Variants in KLHL18 observed in about 807,000 individuals in gnomAD.
The protein encoded by KLHL18 is kelch-like protein 18.
In KLHL18, 38 loss-of-function variants were observed where a neutral mutation model predicts 58.5. The ratio of observed to expected loss-of-function variants is 0.65; its 90% CI spans 0.50 to 0.85. The LOEUF (loss-of-function observed/expected upper bound fraction) is 0.85. Among genes scored for constraint, KLHL18 ranks in the 40% least tolerant of loss-of-function variants. The pLI is 0.00. For missense variants in KLHL18, 624 were observed against 778.4 expected, an observed-to-expected ratio of 0.80 and a Z score of 2.36; for synonymous variants, 303 against 301.9, an observed-to-expected ratio of 1.00 and a Z score of -0.04.
At chr3:47,304,692 T>G (rs1703100659) in intron 1 of KLHL18, among the ~76,000 whole-genome samples, 1 of 152,162 alleles carries the variant, frequency 6.6e-6, no homozygotes, top group East Asian at 1.9e-4. Context: ...GGGTTATTTG[T>G]TTTTTTGCAA....
At chr3:47,288,850 A>T (rs971381777) in intron 1 of KLHL18, among the ~76,000 whole-genome samples, 18 of 152,172 alleles carry the variant, frequency 1.2e-4, no homozygotes, top group African/African-American at 4.3e-4. Flanking sequence ...GCCTAGGTAG[A>T]GAGATTTGTG....
chr3:47,302,477 C>CT (rs1229314934), intron 1 of KLHL18, among the ~76,000 whole-genome samples: 1 of 152,146 alleles, frequency 6.6e-6, no homozygotes, highest in African/African-American at 2.4e-5. Context: ...GAGCGAGACT[C>CT]TGTCTCAAAC....
intron 7 of KLHL18, chr3:47,338,643 G>A (rs1704039011): frequency 6.6e-6 from 1 of 152,308 alleles, no homozygotes; most frequent in African/African-American, 2.4e-5. Flanking sequence ...CCAACATGGT[G>A]AAACCCTGTC....
At chr3:47,318,183 A>T (rs1325841321) in intron 1 of KLHL18, among the ~76,000 whole-genome samples, 1 of 152,184 alleles carries the variant, frequency 6.6e-6, no homozygotes, top group African/African-American at 2.4e-5. Context: ...TTAGTGACTT[A>T]AAACAAGTAT....
intron 1 of KLHL18, among the ~76,000 whole-genome samples, chr3:47,294,870 A>T (rs2107584468): frequency 6.6e-6 from 1 of 152,282 alleles, no homozygotes; most frequent in African/African-American, 2.4e-5. Context: ...AGGAGAGATG[A>T]TGATAATGGC....
At chr3:47,304,532 T>G (rs555765495) in intron 1 of KLHL18, among the ~76,000 whole-genome samples, 1 of 152,300 alleles carries the variant, frequency 6.6e-6, no homozygotes, top group East Asian at 1.9e-4. Flanking sequence ...GATTTACACA[T>G]AAGTATTTAA....
At chr3:47,314,601 C>T (rs771591391) in intron 1 of KLHL18, among the ~76,000 whole-genome samples, 2 of 151,726 alleles carry the variant, frequency 1.3e-5, no homozygotes, top group South Asian at 2.1e-4. Flanking sequence ...CCTGAGAGCT[C>T]GGATTACAGG....
At chr3:47,327,244 A>C (rs1703747065) in intron 3 of KLHL18, among the ~76,000 whole-genome samples, 1 of 152,210 alleles carries the variant, frequency 6.6e-6, no homozygotes, top group Non-Finnish European at 1.5e-5. Context: ...GTCTCAAAAA[A>C]AACAAAAGGG....
rs1194458759 is a variant in KLHL18, at chr3:47,334,100, G to A, written c.762-583G>A. 6.6e-6 allele frequency among the ~76,000 whole-genome samples: 1 copy of A among 152,208 alleles called. No homozygotes were observed. The highest frequency in any genetic ancestry group is 1.5e-5 in the Non-Finnish European group (1 of 68,038). On this transcript the variant is annotated intron_variant, in intron 5 of 9. Coordinates refer to ENST00000232766, the MANE Select transcript of KLHL18 (RefSeq NM_025010.5). The surrounding 1 kb of genome is among the most constrained non-coding windows in gnomAD (Gnocchi z 4.7). ...GCAGATGGTGTGAAGGTGTGTGTCA[G>A]GATGGGGTGGAGTAGTGTCTGGAGG...
chr3:47,293,040 A>G (rs1176017178), intron 1 of KLHL18, among the ~76,000 whole-genome samples: 1 of 152,220 alleles, frequency 6.6e-6, no homozygotes, highest in Non-Finnish European at 1.5e-5. Context: ...AAAAGGACAA[A>G]TGTTGTGTGA....
chr3:47,307,541 CTTT>C (rs58081377), intron 1 of KLHL18, among the ~76,000 whole-genome samples: 1 of 143,572 alleles, frequency 7.0e-6, no homozygotes, highest in African/African-American at 2.5e-5. Flanking sequence ...GATTTTTCTT[CTTT>C]TTTTTTTTTT....
At chr3:47,285,141 G>A (rs1434789330) in intron 1 of KLHL18, among the ~76,000 whole-genome samples, 1 of 152,198 alleles carries the variant, frequency 6.6e-6, no homozygotes, top group Non-Finnish European at 1.5e-5. Context: ...CCCTCCTGAA[G>A]GAGGTTGTTT....
intron 4 of KLHL18, 120 bp downstream of exon 4, chr3:47,330,269 A>C (rs987101447): frequency 1.2e-6 from 1 of 844,536 alleles, no homozygotes; most frequent in African/African-American, 1.7e-5. Flanking sequence ...GCTGTTGTAT[A>C]TTATTGGGCT....
At chr3:47,315,205 T>A (rs764375773) in intron 1 of KLHL18, among the ~76,000 whole-genome samples, 2 of 152,056 alleles carry the variant, frequency 1.3e-5, no homozygotes, top group African/African-American at 2.4e-5. Context: ...GGGGAGAAAC[T>A]GAGAAGGAAG....
chr3:47,302,529 C>T (rs1160732051), intron 1 of KLHL18, among the ~76,000 whole-genome samples: 2 of 152,128 alleles, frequency 1.3e-5, no homozygotes, highest in Non-Finnish European at 2.9e-5. Context: ...AATATATTTA[C>T]TATTCATTAA....
At chr3:47,296,184 G>A (rs1702893085) in intron 1 of KLHL18, among the ~76,000 whole-genome samples, 1 of 152,136 alleles carries the variant, frequency 6.6e-6, no homozygotes. Context: ...AAGCATTGCC[G>A]CCACACATTG....
At chr3:47,310,076 A>C (rs1384918076) in intron 1 of KLHL18, among the ~76,000 whole-genome samples, 1 of 152,140 alleles carries the variant, frequency 6.6e-6, no homozygotes, top group Non-Finnish European at 1.5e-5. Context: ...GTAGTATCAA[A>C]ATGTTTTCCA....
rs1471992826 is a variant in KLHL18 at position 47,334,378 on chromosome 3, G to C, written c.762-305G>C. On this transcript the variant is annotated intron_variant, in intron 5 of 9. Coordinates refer to ENST00000232766, the MANE Select transcript of KLHL18 (RefSeq NM_025010.5). The surrounding 1 kb of genome is among the most constrained non-coding windows in gnomAD (Gnocchi z 4.7). ...AAGGGCTAGGTCTGAGTGGCAACAG[G>C]GTGCATGCTGCTTGTCGAAACTCCC... Among the ~76,000 whole-genome samples the C allele has an allele frequency of 6.6e-6, 1 of 152,116 alleles. No homozygotes were observed. The highest frequency in any genetic ancestry group is 1.5e-5 in the Non-Finnish European group (1 of 68,024).
rs1284605712 is a variant in KLHL18 at position 47,319,572 on chromosome 3, G to A, written c.130-81G>A. 6 of 1,499,482 alleles carry A rather than the reference G, an allele frequency of 4.0e-6. No individual in the cohort carries two copies. In the Admixed American group the frequency reaches 5.5e-5, roughly 14 times the overall value. The allele number at this position is 1,499,482 out of a possible 1,614,324, so 92.9% of individuals were successfully genotyped here. A position where few individuals can be genotyped will look rare whatever the true frequency, so the allele number is the denominator to read the frequency against. ...GGGGTATGCTGTGGAGCCGGGCGGA[G>A]GGGCAGGGTGGGTTTTTTTGTTTGT... On this transcript the variant is annotated intron_variant, in intron 1 of 9. Transcript: ENST00000232766.
Sources: gnomAD v4.1 joint callset for allele counts (sites outside exome capture counted in the v4.1 genomes callset) on GRCh38, gnomAD v4.1.1 for gene constraint, Gnocchi (gnomAD v3.1) non-coding constraint, MANE v1.5 for transcripts, NCBI Gene and HGNC (gene_info 2026-07-23, HGNC 2026-07-21) for gene names.